Variants in RCAN2 observed in about 807,000 individuals in gnomAD.
The protein encoded by RCAN2 is regulator of calcineurin 2.
RCAN2 carries 9 observed loss-of-function variants against 23.6 expected under a neutral mutation model. That is an observed-to-expected ratio of 0.38 (90% CI 0.23 to 0.67). The LOEUF (loss-of-function observed/expected upper bound fraction) is 0.67, where lower values mean the gene tolerates loss of function less well. Ranked by LOEUF, RCAN2 falls within the 30% of genes least tolerant of loss-of-function variation. The probability of loss-of-function intolerance (pLI) is 0.51; values close to 1 mark genes in which losing one functional copy is unlikely to be tolerated. For synonymous variants in RCAN2, 109 were observed against 115.7 expected, an observed-to-expected ratio of 0.94 and a Z score of 0.37; for missense variants, 273 against 302.3, an observed-to-expected ratio of 0.90 and a Z score of 0.72.
At chr6:46,352,084 G>A (rs915490062) in intron 2 of RCAN2, among the ~76,000 whole-genome samples, 1 of 152,144 alleles carries the variant, frequency 6.6e-6, no homozygotes, top group African/African-American at 2.4e-5. Flanking sequence ...ATGAACATAA[G>A]AGTATACATT....
intron 2 of RCAN2, among the ~76,000 whole-genome samples, chr6:46,396,454 C>T (rs1766089806): frequency 6.6e-6 from 1 of 152,134 alleles, no homozygotes; most frequent in South Asian, 2.1e-4. Flanking sequence ...CTCATTTATT[C>T]AAAAGACCCG....
intron 1 of RCAN2, among the ~76,000 whole-genome samples, chr6:46,467,080 C>T (rs1405133754): frequency 6.6e-6 from 1 of 152,114 alleles, no homozygotes; most frequent in African/African-American, 2.4e-5. Context: ...TGCGCTTGCA[C>T]CTCTTGGGAC....
chr6:46,330,622 C>G (rs543368480), intron 2 of RCAN2, among the ~76,000 whole-genome samples: 2 of 152,190 alleles, frequency 1.3e-5, no homozygotes, highest in African/African-American at 4.8e-5. Context: ...CTTTCTCCCC[C>G]TCTCCTTGAT....
chr6:46,408,208 G>A (rs1258085734), intron 2 of RCAN2, among the ~76,000 whole-genome samples: 4 of 152,110 alleles, frequency 2.6e-5, no homozygotes, highest in Admixed American at 2.0e-4. Flanking sequence ...ACTTCCCTGC[G>A]GGCGGCTCCG....
chr6:46,417,432 A>C (rs1582184952), intron 2 of RCAN2, among the ~76,000 whole-genome samples: 1 of 152,260 alleles, frequency 6.6e-6, no homozygotes, highest in African/African-American at 2.4e-5. Flanking sequence ...AGAGAAACAA[A>C]TTGATGAAGA....
chr6:46,474,361 A>G (rs556450414), intron 1 of RCAN2, among the ~76,000 whole-genome samples: 2 of 152,316 alleles, frequency 1.3e-5, no homozygotes, highest in South Asian at 4.2e-4. Context: ...GGGGGAAGCC[A>G]TATTGTCATG....
At chr6:46,371,058 T>C (rs1582148867) in intron 2 of RCAN2, among the ~76,000 whole-genome samples, 1 of 152,182 alleles carries the variant, frequency 6.6e-6, no homozygotes, top group Non-Finnish European at 1.5e-5. Context: ...TGACATTGTA[T>C]AGTATGTATG....
chr6:46,346,908 C>A (rs1215378416), intron 2 of RCAN2, among the ~76,000 whole-genome samples: 2 of 151,890 alleles, frequency 1.3e-5, no homozygotes, highest in Admixed American at 6.6e-5. Flanking sequence ...GGGAATCTCG[C>A]TCTGTCACCC....
intron 2 of RCAN2, among the ~76,000 whole-genome samples, chr6:46,250,360 G>C (rs894594609): frequency 6.6e-6 from 1 of 152,164 alleles, no homozygotes; most frequent in African/African-American, 2.4e-5. Flanking sequence ...GTTCTTAATA[G>C]AGAAACTTCC....
At chr6:46,283,493 C>T (rs1171378987) in intron 2 of RCAN2, among the ~76,000 whole-genome samples, 13 of 152,072 alleles carry the variant, frequency 8.5e-5, no homozygotes, top group Admixed American at 8.5e-4. Flanking sequence ...TACACACATA[C>T]CAATGTAAAC....
chr6:46,350,487 G>A lies in RCAN2; in HGVS notation c.226-101591C>T, dbSNP rs970344040. On this transcript the variant is annotated intron_variant, in intron 2 of 4. Transcript: ENST00000371374. Reference sequence around the variant, plus strand: ...CAACCCCAATAACTGCATCATGGGAGGGAAGTGAGTGTCCTGGAGACAGAG... The same window carrying A: ...CAACCCCAATAACTGCATCATGGGAAGGAAGTGAGTGTCCTGGAGACAGAG... Among the ~76,000 whole-genome samples the A allele has an allele frequency of 1.4e-4, 21 of 152,188 alleles. 1 individual carries two copies. The highest frequency in any genetic ancestry group is 1.5e-5 in the Non-Finnish European group (1 of 68,018).
Position 46,373,988 on chromosome 6 carries a change from T to C in RCAN2, c.225+82764A>G, listed in dbSNP as rs76557544. 6.5e-3 allele frequency among the ~76,000 whole-genome samples: 987 copies of C among 152,292 alleles called. 8 individuals carry two copies. The highest frequency in any genetic ancestry group is 0.023 in the African/African-American group (948 of 41,568). ...TACTTCTACCATGTCAACCCAGCAC[T>C]TTGAGGCTGCCTGAATTATAGAATT... On this transcript the variant is annotated intron_variant, in intron 2 of 4. Transcript: ENST00000371374.
chr6:46,484,374 C>T (rs1033641917), intron 1 of RCAN2, among the ~76,000 whole-genome samples: 1 of 152,150 alleles, frequency 6.6e-6, no homozygotes, highest in African/African-American at 2.4e-5. Flanking sequence ...TTCTCTGCGT[C>T]GTGTCTCATT....
At chr6:46,298,928 T>TA (rs35780615) in intron 2 of RCAN2, among the ~76,000 whole-genome samples, 1 of 152,034 alleles carries the variant, frequency 6.6e-6, no homozygotes, top group East Asian at 1.9e-4. Flanking sequence ...TATGCAGCCA[T>TA]AAAAAAGAAT....
rs574692266 is a variant in RCAN2 at position 46,381,137 on chromosome 6, T to C, written c.225+75615A>G. On this transcript the variant is annotated intron_variant, in intron 2 of 4. Coordinates refer to ENST00000371374, the MANE Select transcript of RCAN2 (RefSeq NM_001251974.2). Reference sequence around the variant, plus strand: ...ACATTCCGTGAAGTATATTTATAAGTGCATTTTCATATTCCCTCCCCCATC... The same window carrying C: ...ACATTCCGTGAAGTATATTTATAAGCGCATTTTCATATTCCCTCCCCCATC... 3.9e-5 allele frequency among the ~76,000 whole-genome samples: 6 copies of C among 152,314 alleles called. No homozygotes were observed. The South Asian group carries it at 1.2e-3, about 32-fold the overall frequency.
intron 2 of RCAN2, among the ~76,000 whole-genome samples, chr6:46,429,790 A>G (rs967816345): frequency 5.9e-5 from 9 of 152,202 alleles, no homozygotes; most frequent in Non-Finnish European, 1.3e-4. Context: ...CTCTGAAGGA[A>G]AGAAGCACAG....
chr6:46,442,848 G>A (rs1767592785), intron 2 of RCAN2, among the ~76,000 whole-genome samples: 1 of 152,104 alleles, frequency 6.6e-6, no homozygotes, highest in East Asian at 1.9e-4. Flanking sequence ...CAGTACTGTG[G>A]AGAAGCAAGA....
chr6:46,271,802 G>T (rs1007155729), intron 2 of RCAN2, among the ~76,000 whole-genome samples: 1 of 152,286 alleles, frequency 6.6e-6, no homozygotes, highest in African/African-American at 2.4e-5. Context: ...GAAGTAGAAA[G>T]AAGTACATCT....
chr6:46,251,664 T>G (rs1403359977), intron 2 of RCAN2, among the ~76,000 whole-genome samples: 1 of 152,140 alleles, frequency 6.6e-6, no homozygotes, highest in Non-Finnish European at 1.5e-5. Flanking sequence ...ATCAGAGCAG[T>G]TTGGCCTCAA....
Sources: gnomAD v4.1 joint callset for allele counts (sites outside exome capture counted in the v4.1 genomes callset) on GRCh38, gnomAD v4.1.1 for gene constraint, MANE v1.5 for transcripts, NCBI Gene and HGNC (gene_info 2026-07-23, HGNC 2026-07-21) for gene names.